CD207: variants seen among roughly 807,000 people sequenced by gnomAD.
The protein encoded by CD207 is CD207 molecule.
Under a neutral mutation model 31.6 loss-of-function variants are expected in CD207, and 28 were observed. The ratio of observed to expected loss-of-function variants is 0.89; its 90% CI spans 0.66 to 1.21. CD207 has a LOEUF of 1.21. Ranked by LOEUF, CD207 falls within the 50% of genes most tolerant of loss-of-function variation. CD207 has a pLI of 0.00. For missense variants in CD207, 388 were observed against 397.8 expected (o/e 0.98, Z 0.21); for synonymous variants, 168 against 153.9 (o/e 1.09, Z -0.68).
In CD207 at chr2:70,830,913, A is replaced by G; in HGVS notation, c.*137T>C. 1 of 754,192 alleles carries G rather than the reference A, an allele frequency of 1.3e-6. No individual in the cohort carries two copies. Among genetic ancestry groups the G allele is most frequent in the Non-Finnish European group, 2.1e-6 (1 of 479,366 alleles). 46.7% of individuals were successfully genotyped at this position (754,192 alleles called of 1,614,324 possible). Reference sequence around the variant, plus strand: ...TTTCCAGCCAAGACAGACGGACTCCAGAATGCCACTGTGGGACAATTTTGA... The same window carrying G: ...TTTCCAGCCAAGACAGACGGACTCCGGAATGCCACTGTGGGACAATTTTGA... On this transcript the variant is annotated 3_prime_UTR_variant, in exon 6 of 6. Coordinates refer to ENST00000410009, the MANE Select transcript of CD207 (RefSeq NM_015717.5).
At chr2:70,826,370 TAATTAAATTA>T (rs570203034), downstream of CD207, among the ~76,000 whole-genome samples, 1 of 103,328 alleles carries the variant, frequency 9.7e-6, no homozygotes, top group Non-Finnish European at 2.2e-5. Flanking sequence ...AATAAATAAA[TAATTAAATTA>T]AATTAAATTA....
Position 70,834,031 on chromosome 2 carries a change from G to C in CD207, c.191-11C>G. On this transcript the variant is annotated splice_polypyrimidine_tract_variant and intron_variant, in intron 2 of 5. Coordinates refer to ENST00000410009, the MANE Select transcript of CD207 (RefSeq NM_015717.5). Reference sequence around the variant, plus strand: ...CCATAAACCGGGGATCTGGGATTGAGAAAGTCAGGAGGTCAGCTGAGGGGA... The same window carrying C: ...CCATAAACCGGGGATCTGGGATTGACAAAGTCAGGAGGTCAGCTGAGGGGA... 1 of 1,503,820 alleles carries C rather than the reference G, an allele frequency of 6.6e-7. No homozygotes were observed. The highest frequency in any genetic ancestry group is 8.9e-7 in the Non-Finnish European group (1 of 1,127,932). The allele number at this position is 1,503,820 out of a possible 1,614,324, so 93.2% of individuals were successfully genotyped here. A position where few individuals can be genotyped will look rare whatever the true frequency, so the allele number is the denominator to read the frequency against.
At chr2:70,831,502 C>T (rs908682563) in intron 5 of CD207, among the ~76,000 whole-genome samples, 199 bp downstream of exon 5, 13 of 152,188 alleles carry the variant, frequency 8.5e-5, no homozygotes, top group African/African-American at 7.2e-5. Context: ...TGTTGCCAAA[C>T]CCCAGAGGGC....
chr2:70,827,518 C>T (rs1300001067), downstream of CD207, among the ~76,000 whole-genome samples: 1 of 152,174 alleles, frequency 6.6e-6, no homozygotes, highest in Non-Finnish European at 1.5e-5. Flanking sequence ...CAATGGCAGC[C>T]CCCATGCCCA....
At chr2:70,833,550 C>A in intron 3 of CD207, 96 bp downstream of exon 3, 2 of 1,384,806 alleles carry the variant, frequency 1.4e-6, no homozygotes, top group Non-Finnish European at 1.9e-6. Flanking sequence ...CCCCCACTCT[C>A]CTCCCCAACC....
In CD207 at chr2:70,830,772, C is replaced by T. The variant is rs769058777; in HGVS notation, c.*278G>A. On this transcript the variant is annotated 3_prime_UTR_variant, in exon 6 of 6. Coordinates refer to ENST00000410009, the MANE Select transcript of CD207 (RefSeq NM_015717.5). ...AACCCCAGGGTGTTATGCCGGATTA[C>T]GGGTCTTGATCCTCCTTAGCAGGGC... 10 of 308,116 alleles carry T rather than the reference C, an allele frequency of 3.2e-5. No homozygotes were observed. Among genetic ancestry groups the T allele is most frequent in the African/African-American group, 8.5e-5 (4 of 47,060 alleles). 19.1% of individuals were successfully genotyped at this position (308,116 alleles called of 1,614,324 possible). A position where few individuals can be genotyped will look rare whatever the true frequency, so the allele number is the denominator to read the frequency against.
chr2:70,832,045 G>C (rs1438275164), intron 4 of CD207, among the ~76,000 whole-genome samples: 3 of 152,162 alleles, frequency 2.0e-5, no homozygotes, highest in African/African-American at 4.8e-5. Flanking sequence ...AAGCCTTTCT[G>C]CCACTCAGGA....
downstream of CD207, among the ~76,000 whole-genome samples, chr2:70,829,397 C>A (rs1558626222): frequency 6.6e-6 from 1 of 152,226 alleles, no homozygotes; most frequent in African/African-American, 2.4e-5. Context: ...GCAGAGTGAA[C>A]CAGCCAGGGC....
Position 70,831,201 on chromosome 2 carries a change from C to A in CD207, c.837-1G>T, listed in dbSNP as rs782763279. 3.1e-6 allele frequency: 5 copies of A among 1,597,132 alleles called. No individual in the cohort carries two copies. In the East Asian group the frequency reaches 1.1e-4, roughly 36 times the overall value. The stretch of plus-strand genomic sequence containing the variant: ...GTTGGGCTCACCTGGAATCCAGAAC[C>A]TACCAAGAGCGGGGAAAAAGATGGA... On this transcript the variant is annotated splice_acceptor_variant, in intron 5 of 5. Transcript: ENST00000410009. LOFTEE classifies it high-confidence loss of function.
At chr2:70,831,941 C>T (rs531559319) in intron 4 of CD207, 122 bp from the exon 5 acceptor site, 1 of 678,426 alleles carries the variant, frequency 1.5e-6, no homozygotes, top group Non-Finnish European at 2.7e-6. Context: ...CACAAACTGG[C>T]CTCTCAAGCT....
At chr2:70,824,621 CCAAA>C in the CD207 span, among the ~76,000 whole-genome samples, 20 of 38,270 alleles carry the variant, frequency 5.2e-4, no homozygotes, top group South Asian at 1.3e-3. Flanking sequence ...TGCTTAGTTA[CCAAA>C]AAAAAAAAAA....
At chr2:70,829,026 C>T (rs974892217), downstream of CD207, among the ~76,000 whole-genome samples, 9 of 152,208 alleles carry the variant, frequency 5.9e-5, no homozygotes, top group East Asian at 1.2e-3. Context: ...TCCAATGCCA[C>T]GTGACGGCCC....
intron 4 of CD207, among the ~76,000 whole-genome samples, chr2:70,832,031 A>T (rs554477295): frequency 5.9e-5 from 9 of 152,220 alleles, no homozygotes; most frequent in African/African-American, 2.2e-4. Context: ...CAAGCTCAGG[A>T]CTCAAGCCTT....
chr2:70,833,955 C>T lies in CD207; in HGVS notation c.256G>A (p.Asp86Asn). 1.3e-6 allele frequency: 2 copies of T among 1,550,948 alleles called. No homozygotes were observed. The highest frequency in any genetic ancestry group is 1.7e-6 in the Non-Finnish European group (2 of 1,149,582). ...TCAGAATCCAGGGTGCTGATGTTGT[C>T]CACACGACCTTTCAGCAACTGGACA... ...TNVQLLKGRV[D>N]NISTLDSEIK... The change falls in exon 3 of 6, where the codon GAC becomes AAC. Residue 86 changes from aspartate (D) to asparagine (N), a missense_variant. Physicochemically the swap from Asp to Asn is conservative, Grantham distance 23. Transcript: ENST00000410009.
chr2:70,825,449 C>A (rs67871286), downstream of CD207, among the ~76,000 whole-genome samples: 91,854 of 151,896 alleles, frequency 0.6, 28,249 homozygotes, highest in Middle Eastern at 0.7. Context: ...TGTTAACAAT[C>A]GGGGAAATGG....
At position 70,833,832 on chromosome 2, in the gene CD207, T is replaced by G. The variant is rs781840477; in HGVS notation, c.379A>C (p.Lys127Gln). 5.3e-5 allele frequency: 86 copies of G among 1,613,902 alleles called. No individual in the cohort carries two copies. The highest frequency in any genetic ancestry group is 7.0e-5 in the Non-Finnish European group (83 of 1,179,894). ...GCGTTGGCCTTCTCCACACTGGTTT[T>G]TAACTTCAGGAACTGAGAACGCACA... ...GYVRSQFLKL[K>Q]TSVEKANAQI... Residue 127 changes from lysine (K) to glutamine (Q), a missense_variant, in exon 3 of 6, where the codon AAA becomes CAA. Coordinates refer to ENST00000410009, the MANE Select transcript of CD207 (RefSeq NM_015717.5).
downstream of CD207, among the ~76,000 whole-genome samples, chr2:70,828,304 T>C (rs1553399144): frequency 6.6e-6 from 1 of 152,096 alleles, no homozygotes; most frequent in Non-Finnish European, 1.5e-5. Flanking sequence ...AAGGCATGCA[T>C]ACAGTGGGGG....
downstream of CD207, among the ~76,000 whole-genome samples, chr2:70,829,675 A>G (rs1677421155): frequency 6.6e-6 from 1 of 152,208 alleles, no homozygotes; most frequent in African/African-American, 2.4e-5. Flanking sequence ...AGCACGTGGT[A>G]TTTCAGGTCT....
At chr2:70,826,396 A>T (rs1412618355), downstream of CD207, among the ~76,000 whole-genome samples, 1 of 152,098 alleles carries the variant, frequency 6.6e-6, no homozygotes, top group African/African-American at 2.4e-5. Context: ...AATTAAATTA[A>T]AACAGGGTCT....
Sources: allele counts gnomAD v4.1 joint callset (sites outside exome capture counted in the v4.1 genomes callset), GRCh38; gene constraint gnomAD v4.1.1; transcripts MANE v1.5; gene names NCBI Gene and HGNC (gene_info 2026-07-23, HGNC 2026-07-21).